Variants in NSUN6 observed in about 807,000 individuals in gnomAD.
NSUN6 encodes the protein tRNA (cytosine(72)-C(5))-methyltransferase NSUN6.
A neutral mutation model predicts 58.0 loss-of-function variants in NSUN6; 64 were observed. The observed-to-expected ratio is 1.10, with a 90% CI of 0.90 to 1.36. NSUN6 has a LOEUF of 1.36. Ranked by LOEUF, NSUN6 falls within the 40% of genes most tolerant of loss-of-function variation. The probability of loss-of-function intolerance (pLI) is 0.00; values close to 1 mark genes in which losing one functional copy is unlikely to be tolerated. For synonymous variants in NSUN6, 231 were observed against 193.9 expected, an observed-to-expected ratio of 1.19 and a Z score of -1.59; for missense variants, 701 against 550.1, an observed-to-expected ratio of 1.27 and a Z score of -2.74.
rs181028598 is a variant in NSUN6 at position 18,618,045 on chromosome 10, C to T, written c.312-1752G>A. Among the ~76,000 whole-genome samples, 5 of 152,290 alleles carry T rather than the reference C, an allele frequency of 3.3e-5. No individual in the cohort carries two copies. In the East Asian group the frequency reaches 7.7e-4, roughly 24 times the overall value. ...GCAAAAAATAAACTAAGACACTCAG[C>T]GTCATCTTAAAGTCCTCCTAAGCCT... On this transcript the variant is annotated intron_variant, in intron 3 of 10. Coordinates refer to ENST00000377304, the MANE Select transcript of NSUN6 (RefSeq NM_182543.5).
chr10:18,646,066 G>A (rs1183890317), intron 2 of NSUN6, among the ~76,000 whole-genome samples: 1 of 152,006 alleles, frequency 6.6e-6, no homozygotes, highest in Non-Finnish European at 1.5e-5. Flanking sequence ...ATTGTGGCGA[G>A]TGCATATAAT....
chr10:18,554,924 G>C (rs1038244140), intron 8 of NSUN6, among the ~76,000 whole-genome samples: 1 of 140,294 alleles, frequency 7.1e-6, no homozygotes, highest in Non-Finnish European at 1.6e-5. Context: ...AAACGGAATG[G>C]AATCAAGAAT....
intron 6 of NSUN6, among the ~76,000 whole-genome samples, chr10:18,603,253 A>G (rs1395554249): frequency 1.3e-5 from 2 of 152,156 alleles, no homozygotes; most frequent in Non-Finnish European, 2.9e-5. Context: ...AGATTATGCC[A>G]CTGTCTCAAA....
intron 8 of NSUN6, among the ~76,000 whole-genome samples, chr10:18,583,976 C>T (rs1293209340): frequency 6.6e-6 from 1 of 152,204 alleles, no homozygotes; most frequent in East Asian, 1.9e-4. Context: ...TTTCCCCTCA[C>T]CAGACATACC....
chr10:18,557,873 GTGGAA>G (rs1417893825), intron 8 of NSUN6, among the ~76,000 whole-genome samples: 1 of 150,482 alleles, frequency 6.6e-6, no homozygotes, highest in Admixed American at 6.7e-5. Context: ...GGAATGGAGC[GTGGAA>G]TGGAATGGAA....
At chr10:18,606,399 C>T (rs2058050162) in intron 6 of NSUN6, among the ~76,000 whole-genome samples, 3 of 63,802 alleles carry the variant, frequency 4.7e-5, no homozygotes, top group Admixed American at 4.6e-4. Flanking sequence ...ATAGTTATCG[C>T]AGGCCAGAAG....
Position 18,586,012 on chromosome 10 carries a change from T to C in NSUN6, c.859A>G (p.Ile287Val). ...GTTCCATCAAAACAAAATGCCCTGA[T>C]GGAATTCAGCCCTAACAATAAGGCA... ...QNALLLGLNS[I>V]RAFCFDGTKA... Residue 287 changes from isoleucine (I) to valine (V), a missense_variant, in exon 8 of 11, where the codon ATC (isoleucine) becomes GTC (valine). Coordinates refer to ENST00000377304, the MANE Select transcript of NSUN6 (RefSeq NM_182543.5). 1 of 1,613,232 alleles carries C rather than the reference T, an allele frequency of 6.2e-7. No individual in the cohort carries two copies. Among genetic ancestry groups the C allele is most frequent in the Non-Finnish European group, 8.5e-7 (1 of 1,179,640 alleles).
intron 8 of NSUN6, among the ~76,000 whole-genome samples, chr10:18,560,553 AGTG>A (rs1230123489): frequency 6.6e-6 from 1 of 151,372 alleles, no homozygotes; most frequent in South Asian, 2.1e-4. Flanking sequence ...AATGGAATGC[AGTG>A]GTGAATAGAA....
intron 8 of NSUN6, among the ~76,000 whole-genome samples, chr10:18,559,476 G>A (rs896720955): frequency 2.7e-5 from 4 of 150,068 alleles, no homozygotes; most frequent in Non-Finnish European, 4.5e-5. Flanking sequence ...ATGGAGAATC[G>A]AATGGAGAAT....
At chr10:18,565,885 C>T (rs1240598457) in intron 8 of NSUN6, among the ~76,000 whole-genome samples, 1 of 150,870 alleles carries the variant, frequency 6.6e-6, no homozygotes, top group East Asian at 1.9e-4. Flanking sequence ...GCATTCCATT[C>T]CATTCTCCAT....
At chr10:18,584,160 T>C (rs1421693894) in intron 8 of NSUN6, among the ~76,000 whole-genome samples, 2 of 152,152 alleles carry the variant, frequency 1.3e-5, no homozygotes, top group Non-Finnish European at 2.9e-5. Context: ...GGCACTTTCA[T>C]CCACCAGGAG....
In NSUN6 at chr10:18,644,419, G is replaced by A. The variant is rs1038157501; in HGVS notation, c.232-1864C>T. On this transcript the variant is annotated intron_variant, in intron 2 of 10. Coordinates refer to ENST00000377304, the MANE Select transcript of NSUN6 (RefSeq NM_182543.5). ...ATTGTGTTTTTGTTGTTGTTGAACA[G>A]CTAATTCAGGTACTCTGGTGATGCT... 3.9e-5 allele frequency among the ~76,000 whole-genome samples: 6 copies of A among 152,024 alleles called. No individual in the cohort carries two copies. The East Asian group carries it at 1.2e-3, about 29-fold the overall frequency.
intron 8 of NSUN6, among the ~76,000 whole-genome samples, chr10:18,573,557 C>T (rs554989402): frequency 6.0e-4 from 92 of 152,110 alleles, no homozygotes; most frequent in Middle Eastern, 6.8e-3. Context: ...GTCTTTTTGG[C>T]CAAATTTTAC....
intron 8 of NSUN6, among the ~76,000 whole-genome samples, chr10:18,583,874 A>C (rs1398090808): frequency 6.6e-6 from 1 of 152,216 alleles, no homozygotes; most frequent in African/African-American, 2.4e-5. Flanking sequence ...TGCTATTTTA[A>C]AAATTATTTT....
At chr10:18,575,672 G>A (rs1454553122) in intron 8 of NSUN6, among the ~76,000 whole-genome samples, 2 of 152,128 alleles carry the variant, frequency 1.3e-5, no homozygotes, top group Admixed American at 6.6e-5. Context: ...TTAGAGACTC[G>A]ATTGCCATGG....
intron 3 of NSUN6, among the ~76,000 whole-genome samples, chr10:18,620,004 A>G (rs1265083204): frequency 6.6e-6 from 1 of 152,132 alleles, no homozygotes; most frequent in Non-Finnish European, 1.5e-5. Context: ...ACAAGTTACT[A>G]ATGGGTCATG....
In NSUN6 at chr10:18,551,860, G is replaced by A; in HGVS notation, c.1034C>T (p.Ala345Val). 6.2e-7 allele frequency: 1 copy of A among 1,613,384 alleles called. No homozygotes were observed. Among genetic ancestry groups the A allele is most frequent in the Non-Finnish European group, 8.5e-7 (1 of 1,179,496 alleles). The change falls in exon 9 of 11, where the codon GCA (alanine) becomes GTA (valine). Residue 345 changes from alanine to valine, a missense_variant. Coordinates refer to ENST00000377304, the MANE Select transcript of NSUN6 (RefSeq NM_182543.5). Reference protein sequence around the residue: ...MACTWSVKEVASYQPLQRKLF... With the variant: ...MACTWSVKEVVSYQPLQRKLF... ...TTTTCGCTGTAATGGCTGATATGAT[G>A]CCACTTCCTTCACAGACCAAGTACA...
intron 6 of NSUN6, among the ~76,000 whole-genome samples, chr10:18,608,374 G>C (rs2058112670): frequency 6.6e-6 from 1 of 152,096 alleles, no homozygotes; most frequent in South Asian, 2.1e-4. Context: ...GGTGGCTTAT[G>C]CCTGTAATCC....
At position 18,637,160 on chromosome 10, in the gene NSUN6, A is replaced by G. The variant is rs539557025; in HGVS notation, c.311+5316T>C. 4.6e-5 allele frequency among the ~76,000 whole-genome samples: 7 copies of G among 151,944 alleles called. No homozygotes were observed. The South Asian group carries it at 6.2e-4, about 14-fold the overall frequency. ...GTATTTATAGTAGAGACAGGGTTTCACCATGTTGCTCAGGCTGGTCTAAAA... is the reference window on the plus strand; with the variant it reads ...GTATTTATAGTAGAGACAGGGTTTCGCCATGTTGCTCAGGCTGGTCTAAAA... On this transcript the variant is annotated intron_variant, in intron 3 of 10. Transcript: ENST00000377304.
Sources: allele counts gnomAD v4.1 joint callset (sites outside exome capture counted in the v4.1 genomes callset), GRCh38; gene constraint gnomAD v4.1.1; transcripts MANE v1.5; gene names NCBI Gene and HGNC (gene_info 2026-07-23, HGNC 2026-07-21).